ZCRB1: variants seen among roughly 807,000 people sequenced by gnomAD.
The protein encoded by ZCRB1 is zinc finger CCHC-type and RNA-binding motif-containing protein 1.
ZCRB1 carries 21 observed loss-of-function variants against 29.9 expected under a neutral mutation model. The ratio of observed to expected loss-of-function variants is 0.70; its 90% CI spans 0.50 to 1.01. The LOEUF (loss-of-function observed/expected upper bound fraction) is 1.01. Among genes scored for constraint, ZCRB1 ranks in the 50% least tolerant of loss-of-function variants. The pLI is 0.00. For missense variants in ZCRB1, 204 were observed against 253.3 expected (o/e 0.81, Z 1.32); for synonymous variants, 77 against 80.0 (o/e 0.96, Z 0.20).
chr12:42,315,593 A>G (rs2068590966), intron 5 of ZCRB1, among the ~76,000 whole-genome samples: 1 of 152,198 alleles, frequency 6.6e-6, no homozygotes, highest in African/African-American at 2.4e-5. Context: ...TCAATATAAA[A>G]AAGTTTTTTT....
At chr12:42,318,756 G>C (rs912316481) in intron 3 of ZCRB1, among the ~76,000 whole-genome samples, 7 of 152,202 alleles carry the variant, frequency 4.6e-5, no homozygotes, top group African/African-American at 1.7e-4. Flanking sequence ...GCGTGAGCGA[G>C]TGAGAGAGAG....
intron 1 of ZCRB1, chr12:42,325,382 A>C (rs762640184): frequency 6.6e-6 from 1 of 152,170 alleles, no homozygotes; most frequent in African/African-American, 2.4e-5. Context: ...CGAAACGCTA[A>C]TTTTGCTTAT....
chr12:42,317,928 A>G (rs765039710), intron 3 of ZCRB1, 30 bp from the exon 4 acceptor site: 10 of 1,556,884 alleles, frequency 6.4e-6, no homozygotes, highest in Non-Finnish European at 8.8e-6. Flanking sequence ...GTTAAAAATG[A>G]GGCAGCAATA....
intron 3 of ZCRB1, among the ~76,000 whole-genome samples, chr12:42,321,183 T>C (rs1251410862): frequency 1.3e-5 from 2 of 152,236 alleles, no homozygotes; most frequent in African/African-American, 4.8e-5. Context: ...TGTTTCTAGG[T>C]GCTTATAACT....
intron 3 of ZCRB1, among the ~76,000 whole-genome samples, chr12:42,320,943 T>C (rs1022120967): frequency 5.9e-5 from 9 of 152,234 alleles, no homozygotes; most frequent in African/African-American, 1.9e-4. Context: ...AGCCACCTTG[T>C]GCTTTCTCCC....
chr12:42,317,409 G>A lies in ZCRB1; in HGVS notation c.264C>T (p.Asp88=), dbSNP rs1338108741. ...GRVIKASIAI[D]NGRAAEFIRR... is the part of the protein sequence containing the mutation. ...GGATGAACTCAGCTGCTCTTCCATT[G>A]TCAATAGCAATGCTTGCTTTTATCA... is the stretch of plus-strand genomic sequence containing the variant. The change falls in exon 5 of 8, where the codon GAC becomes GAT. Residue 88 remains aspartate, a synonymous_variant. Coordinates refer to ENST00000266529, the MANE Select transcript of ZCRB1 (RefSeq NM_033114.4). The A allele has an allele frequency of 7.4e-6, 12 of 1,612,282 alleles. No individual in the cohort carries two copies. Among genetic ancestry groups the A allele is most frequent in the Non-Finnish European group, 1.0e-5 (12 of 1,179,500 alleles).
intron 5 of ZCRB1, among the ~76,000 whole-genome samples, chr12:42,315,639 AT>A (rs1312410133): frequency 6.6e-6 from 1 of 152,222 alleles, no homozygotes; most frequent in Admixed American, 6.5e-5. Flanking sequence ...AATGTAAAAA[AT>A]ATAACAACTC....
In ZCRB1 at chr12:42,317,933, G is replaced by A. The variant is rs935163224; in HGVS notation, c.114-35C>T. 2.6e-6 allele frequency: 4 copies of A among 1,538,018 alleles called. No individual in the cohort carries two copies. In the African/African-American group the frequency reaches 4.2e-5, roughly 16 times the overall value. The stretch of plus-strand genomic sequence containing the variant: ...TAAACAAAGAGTTAAAAATGAGGCA[G>A]CAATAAATAAAACAGATACTAATAC... On this transcript the variant is annotated intron_variant, in intron 3 of 7. Transcript: ENST00000266529.
chr12:42,323,943 A>T (rs983128607), intron 2 of ZCRB1, 76 bp downstream of exon 2: 2 of 1,324,770 alleles, frequency 1.5e-6, no homozygotes, highest in Non-Finnish European at 2.1e-6. Flanking sequence ...AAAGGAAAAA[A>T]GAATTTGCCA....
chr12:42,314,397 TAAAAAAAAAAAAAA>T (rs71084639), intron 5 of ZCRB1, among the ~76,000 whole-genome samples: 16 of 27,758 alleles, frequency 5.8e-4, no homozygotes, highest in Admixed American at 3.7e-3. Flanking sequence ...CCGTCTCTAC[TAAAAAAAAAAAAAA>T]AAAAAAAAAA....
chr12:42,322,514 G>A (rs2068626735), intron 2 of ZCRB1, 68 bp from the exon 3 acceptor site: 2 of 1,360,142 alleles, frequency 1.5e-6, no homozygotes, highest in Non-Finnish European at 2.0e-6. Flanking sequence ...TTAGGTTGCA[G>A]ACATTGACCA....
rs1040985077 is a variant in ZCRB1, at chr12:42,312,437, C to T, written c.*630G>A. 2.6e-5 allele frequency: 4 copies of T among 152,008 alleles called. No homozygotes were observed. Among genetic ancestry groups the T allele is most frequent in the Admixed American group, 2.6e-4 (4 of 15,260 alleles). The allele number at this position is 152,008 out of a possible 1,614,324, so 9.4% of individuals were successfully genotyped here. A position where few individuals can be genotyped will look rare whatever the true frequency, so the allele number is the denominator to read the frequency against. ...TATTAAAAAAGATATATATGGATTC[C>T]CCCAAATTTTTAATACAGCCACATT... On this transcript the variant is annotated 3_prime_UTR_variant, in exon 8 of 8. Transcript: ENST00000266529.
intron 3 of ZCRB1, among the ~76,000 whole-genome samples, chr12:42,318,524 G>C (rs4768398): frequency 0.27 from 41,005 of 152,068 alleles, 7,021 homozygotes; most frequent in Non-Finnish European, 0.37. Flanking sequence ...GGGTGTACCT[G>C]AGTGACAAGG....
chr12:42,313,437 A>C (rs1592101167), intron 7 of ZCRB1, among the ~76,000 whole-genome samples: 1 of 152,346 alleles, frequency 6.6e-6, no homozygotes, highest in East Asian at 1.9e-4. Flanking sequence ...CACTTTGAGC[A>C]AATAGTTCTG....
At chr12:42,323,160 C>T (rs978279143) in intron 2 of ZCRB1, among the ~76,000 whole-genome samples, 7 of 152,032 alleles carry the variant, frequency 4.6e-5, no homozygotes, top group African/African-American at 1.2e-4. Flanking sequence ...CCAATAATAA[C>T]GAATTTTTTC....
intron 5 of ZCRB1, among the ~76,000 whole-genome samples, chr12:42,316,625 AT>A (rs1183266133): frequency 2.0e-5 from 3 of 152,240 alleles, no homozygotes; most frequent in Non-Finnish European, 4.4e-5. Flanking sequence ...ATAGGAAAAA[AT>A]AAAAAACTTC....
At chr12:42,320,042 A>C (rs1484710145) in intron 3 of ZCRB1, among the ~76,000 whole-genome samples, 1 of 152,204 alleles carries the variant, frequency 6.6e-6, no homozygotes, top group East Asian at 1.9e-4. Context: ...TAACAGAAAA[A>C]AAAAATTACA....
intron 5 of ZCRB1, among the ~76,000 whole-genome samples, chr12:42,315,828 T>A (rs1463338144): frequency 6.6e-6 from 1 of 152,234 alleles, no homozygotes; most frequent in Admixed American, 6.5e-5. Flanking sequence ...AGTGTTTACT[T>A]AAGAGGTTTT....
At chr12:42,322,540 T>C in intron 2 of ZCRB1, 94 bp from the exon 3 acceptor site, 1 of 1,263,220 alleles carries the variant, frequency 7.9e-7, no homozygotes, top group South Asian at 1.6e-5. Context: ...TTTGTTACAG[T>C]TTATGAATAA....
Sources: allele counts gnomAD v4.1 joint callset (sites outside exome capture counted in the v4.1 genomes callset), GRCh38; gene constraint gnomAD v4.1.1; transcripts MANE v1.5; gene names NCBI Gene and HGNC (gene_info 2026-07-23, HGNC 2026-07-21).